Variants in PARK7 observed in about 807,000 individuals in gnomAD.
PARK7 encodes the protein Parkinsonism associated deglycase, also known as Parkinson disease protein 7.
A neutral mutation model predicts 20.5 loss-of-function variants in PARK7; 14 were observed. That is an observed-to-expected ratio of 0.68 (90% CI 0.45 to 1.07). PARK7 has a LOEUF of 1.07. Among genes scored for constraint, PARK7 ranks in the 50% least tolerant of loss-of-function variants. The probability of loss-of-function intolerance (pLI) is 0.00; values close to 1 mark genes in which losing one functional copy is unlikely to be tolerated. For synonymous variants in PARK7, 98 were observed against 84.3 expected (o/e 1.16, Z -0.89); for missense variants, 234 against 238.1 (o/e 0.98, Z 0.11).
chr1:7,970,409 G>A (rs1490975795), intron 4 of PARK7, among the ~76,000 whole-genome samples: 1 of 152,176 alleles, frequency 6.6e-6, no homozygotes, highest in Non-Finnish European at 1.5e-5. Context: ...AATGGCAAAT[G>A]CCATCAGCAG....
intron 4 of PARK7, among the ~76,000 whole-genome samples, chr1:7,970,555 T>C (rs923621297): frequency 6.6e-5 from 10 of 152,216 alleles, no homozygotes; most frequent in Non-Finnish European, 7.3e-5. Context: ...TCCTGCTAGA[T>C]TCTGTTCCTC....
At chr1:7,983,190 G>GAACAGAAGAAGGAAGAAGAGA (rs1640746772) in intron 6 of PARK7, among the ~76,000 whole-genome samples, 1 of 152,234 alleles carries the variant, frequency 6.6e-6, no homozygotes, top group Non-Finnish European at 1.5e-5. Context: ...CTGGCACTGG[G>GAACAGAAGAAGGAAGAAGAGA]AACAGAAGAA....
intron 6 of PARK7, among the ~76,000 whole-genome samples, chr1:7,978,434 C>T (rs1482205548): frequency 4.0e-5 from 6 of 150,298 alleles, no homozygotes; most frequent in African/African-American, 1.5e-4. Context: ...GCTCTGTTGC[C>T]CAGGCTGGAA....
In PARK7 at chr1:7,985,071, G is replaced by C. The variant is rs758646477; in HGVS notation, c.*17G>C. 1 of 1,612,398 alleles carries C rather than the reference G, an allele frequency of 6.2e-7. No individual in the cohort carries two copies. Among genetic ancestry groups the C allele is most frequent in the Non-Finnish European group, 8.5e-7 (1 of 1,179,404 alleles). ...AAAGACTAGAGCAGCGAACTGCGAC[G>C]ATCACTTAGAGAAACAGGCCGTTAG... On this transcript the variant is annotated 3_prime_UTR_variant, in exon 7 of 7. Coordinates refer to ENST00000338639, the MANE Select transcript of PARK7 (RefSeq NM_007262.5).
intron 6 of PARK7, among the ~76,000 whole-genome samples, chr1:7,981,965 C>CTTGT (rs2151439002): frequency 2.4e-5 from 2 of 84,372 alleles, no homozygotes; most frequent in Non-Finnish European, 2.2e-5. Flanking sequence ...GCCCCCCCGC[C>CTTGT]TTTTTTTTTT....
intron 3 of PARK7, among the ~76,000 whole-genome samples, chr1:7,967,509 T>C (rs1241892497): frequency 6.6e-6 from 1 of 152,238 alleles, no homozygotes; most frequent in African/African-American, 2.4e-5. Context: ...TTGTGTGTTT[T>C]TATTTTTCAG....
chr1:7,979,391 C>T (rs907441826), intron 6 of PARK7, among the ~76,000 whole-genome samples: 1 of 152,178 alleles, frequency 6.6e-6, no homozygotes, highest in Admixed American at 6.5e-5. Context: ...ATTGACACAT[C>T]ATCATCCAGA....
At chr1:7,968,921 A>G (rs1311563507) in intron 3 of PARK7, among the ~76,000 whole-genome samples, 1 of 152,138 alleles carries the variant, frequency 6.6e-6, no homozygotes, top group South Asian at 2.1e-4. Flanking sequence ...TCCTGTTCTC[A>G]TTCTCCCTCT....
intron 3 of PARK7, among the ~76,000 whole-genome samples, chr1:7,967,417 A>G (rs1640352732): frequency 1.3e-5 from 2 of 152,124 alleles, no homozygotes; most frequent in South Asian, 2.1e-4. Flanking sequence ...TTTCCTTTCC[A>G]TTGGATACAT....
chr1:7,981,871 G>A (rs897364190), intron 6 of PARK7, among the ~76,000 whole-genome samples: 1 of 151,490 alleles, frequency 6.6e-6, no homozygotes, highest in Admixed American at 6.6e-5. Context: ...TGTTAGCCAG[G>A]ATGGTCTCGA....
intron 4 of PARK7, 50 bp from the exon 5 acceptor site, chr1:7,970,844 G>C: frequency 1.3e-6 from 2 of 1,577,584 alleles, no homozygotes; most frequent in Non-Finnish European, 1.7e-6. Context: ...TGAGTGATTG[G>C]TTAGTGGCTT....
chr1:7,973,719 A>G lies in PARK7; in HGVS notation c.322+2756A>G, dbSNP rs537898867. Among the ~76,000 whole-genome samples, 262 of 150,636 alleles carry G rather than the reference A, an allele frequency of 1.7e-3. 1 individual carries two copies. The highest frequency in any genetic ancestry group is 6.0e-3 in the African/African-American group (242 of 40,354). ...ACAAGAGTGAAACTCCGTCTCAAAA[A>G]ATAAATAAAATAAAATAATAAAAAT... On this transcript the variant is annotated intron_variant, in intron 5 of 6. Coordinates refer to ENST00000338639, the MANE Select transcript of PARK7 (RefSeq NM_007262.5).
chr1:7,970,968 C>T lies in PARK7; in HGVS notation c.322+5C>T, dbSNP rs766680650. The stretch of plus-strand genomic sequence containing the variant: ...TGATAGCCGCCATCTGTGCAGGTGA[C>T]GTGCAGGGGCAGCCTGTGTTGCAGC... On this transcript the variant is annotated splice_donor_5th_base_variant and intron_variant, in intron 5 of 6. Transcript: ENST00000338639. The T allele has an allele frequency of 1.3e-5, 21 of 1,613,980 alleles. No homozygotes were observed. In the African/African-American group the frequency reaches 1.6e-4, roughly 12 times the overall value.
At chr1:7,965,178 G>A in intron 2 of PARK7, 146 bp from the exon 3 acceptor site, 2 of 702,852 alleles carry the variant, frequency 2.8e-6, no homozygotes, top group South Asian at 1.6e-5. Flanking sequence ...GGAGCTGGAG[G>A]CTGCAGTAAG....
chr1:7,970,012 C>A (rs762466596), intron 4 of PARK7, among the ~76,000 whole-genome samples: 1 of 151,982 alleles, frequency 6.6e-6, no homozygotes, highest in Non-Finnish European at 1.5e-5. Flanking sequence ...AGTAACACAT[C>A]GAGACGCCAT....
At chr1:7,979,059 G>T (rs192253605) in intron 6 of PARK7, among the ~76,000 whole-genome samples, 37 of 152,090 alleles carry the variant, frequency 2.4e-4, no homozygotes, top group Non-Finnish European at 5.0e-4. Flanking sequence ...TGCTAGTCCA[G>T]TGTTGGAATG....
In PARK7 at chr1:7,981,629, T is replaced by C. The variant is rs928094725; in HGVS notation, c.410-3265T>C. ...GCAACCTGGCCTCGGCCCTCAGGCT[T>C]GTCGTTGCTGACCTGTGTCCTGTGT... is the stretch of plus-strand genomic sequence containing the variant. On this transcript the variant is annotated intron_variant, in intron 6 of 6. Transcript: ENST00000338639. 2.0e-5 allele frequency among the ~76,000 whole-genome samples: 3 copies of C among 151,960 alleles called. No homozygotes were observed. The South Asian group carries it at 6.2e-4, about 31-fold the overall frequency.
intron 2 of PARK7, among the ~76,000 whole-genome samples, chr1:7,964,142 C>T (rs1640274377): frequency 6.6e-6 from 1 of 152,126 alleles, no homozygotes. Context: ...AGCATTTGAC[C>T]GTGGTTCTCA....
At chr1:7,972,830 G>A (rs1432645198) in intron 5 of PARK7, among the ~76,000 whole-genome samples, 2 of 152,180 alleles carry the variant, frequency 1.3e-5, no homozygotes, top group African/African-American at 4.8e-5. Context: ...CTTGAGGTCA[G>A]GAGTTCGAAA....
Sources: allele counts gnomAD v4.1 joint callset (sites outside exome capture counted in the v4.1 genomes callset), GRCh38; gene constraint gnomAD v4.1.1; transcripts MANE v1.5; gene names NCBI Gene and HGNC (gene_info 2026-07-23, HGNC 2026-07-21).